Variants in MAPK10 observed in about 807,000 individuals in gnomAD.
MAPK10 encodes the protein mitogen-activated protein kinase 10, also known as JNK3 alpha protein kinase.
A neutral mutation model predicts 59.3 loss-of-function variants in MAPK10; 25 were observed. That is an observed-to-expected ratio of 0.42 (90% CI 0.31 to 0.59). MAPK10 has a LOEUF of 0.59. Among genes scored for constraint, MAPK10 ranks in the 20% least tolerant of loss-of-function variants. MAPK10 has a pLI of 0.15. For synonymous variants in MAPK10, 190 were observed against 200.5 expected, an observed-to-expected ratio of 0.95 and a Z score of 0.44; for missense variants, 351 against 568.9, an observed-to-expected ratio of 0.62 and a Z score of 3.90.
intron 7 of MAPK10, chr4:86,101,552 G>A (rs1373289870): frequency 5.3e-6 from 2 of 380,044 alleles, no homozygotes; most frequent in African/African-American, 4.0e-5. Flanking sequence ...AGGCCTGACA[G>A]AAGAACAGAT....
intron 1 of MAPK10, among the ~76,000 whole-genome samples, chr4:86,532,278 T>C (rs980369087): frequency 2.0e-5 from 3 of 152,162 alleles, no homozygotes; most frequent in East Asian, 1.9e-4. Context: ...TATATTCTCC[T>C]AGGAGATGGA....
At chr4:86,103,695 T>A (rs76809939) in intron 5 of MAPK10, among the ~76,000 whole-genome samples, 5,553 of 151,738 alleles carry the variant, frequency 0.037, 257 homozygotes, top group African/African-American at 0.11. Context: ...TACTTTATAT[T>A]TTTTTTTACT....
Position 86,016,812 on chromosome 4 carries a change from A to G in MAPK10, c.*416T>C, listed in dbSNP as rs1488816157. ...GTATCTACATCCATCTGACTAGGCC[A>G]AGGAGCAGGTAGATGCAAGATAGAG... On this transcript the variant is annotated 3_prime_UTR_variant, in exon 14 of 14. Transcript: ENST00000641462. The G allele has an allele frequency of 1.1e-5, 2 of 184,966 alleles. No homozygotes were observed. Among genetic ancestry groups the G allele is most frequent in the African/African-American group, 4.7e-5 (2 of 42,216 alleles). 11.5% of individuals were successfully genotyped at this position (184,966 alleles called of 1,614,324 possible).
intron 9 of MAPK10, among the ~76,000 whole-genome samples, chr4:86,072,420 C>T (rs1192235657): frequency 6.9e-6 from 1 of 144,508 alleles, no homozygotes; most frequent in African/African-American, 2.7e-5. Flanking sequence ...CCAGAACTTC[C>T]AACACTATGT....
chr4:86,452,371 T>A (rs1401451754), intron 1 of MAPK10, among the ~76,000 whole-genome samples: 1 of 152,168 alleles, frequency 6.6e-6, no homozygotes, highest in Non-Finnish European at 1.5e-5. Context: ...TCACTTTCAC[T>A]CTAAGCATGC....
At chr4:86,073,367 G>A (rs1051503099) in intron 9 of MAPK10, among the ~76,000 whole-genome samples, 1 of 151,698 alleles carries the variant, frequency 6.6e-6, no homozygotes, top group Non-Finnish European at 1.5e-5. Flanking sequence ...CTGATCTTTT[G>A]AAGGGTTTTT....
intron 2 of MAPK10, among the ~76,000 whole-genome samples, chr4:86,254,873 GT>G (rs2093634767): frequency 6.6e-6 from 1 of 151,976 alleles, no homozygotes; most frequent in Non-Finnish European, 1.5e-5. Flanking sequence ...AAAAATTGGG[GT>G]TTTTGTAAGT....
intron 11 of MAPK10, among the ~76,000 whole-genome samples, chr4:86,050,714 G>A (rs2043347049): frequency 6.6e-6 from 1 of 152,064 alleles, no homozygotes; most frequent in Non-Finnish European, 1.5e-5. Context: ...AAGAATTCTG[G>A]CTAGGAATAA....
intron 9 of MAPK10, chr4:86,089,555 G>T: frequency 3.4e-6 from 1 of 294,392 alleles, no homozygotes; most frequent in South Asian, 1.1e-4. Context: ...GATTAATTTA[G>T]GTTTTGATTT....
intron 2 of MAPK10, among the ~76,000 whole-genome samples, chr4:86,272,201 G>C (rs773791417): frequency 3.9e-5 from 6 of 152,066 alleles, no homozygotes; most frequent in Non-Finnish European, 7.4e-5. Flanking sequence ...AGTAGCTTAG[G>C]AATATTTTTA....
At chr4:86,463,234 T>G (rs1432007091) in intron 1 of MAPK10, among the ~76,000 whole-genome samples, 1 of 152,206 alleles carries the variant, frequency 6.6e-6, no homozygotes, top group Non-Finnish European at 1.5e-5. Context: ...AAATTGGCCT[T>G]TAATAGTCAT....
chr4:86,341,457 A>G (rs1724862372), intron 2 of MAPK10, among the ~76,000 whole-genome samples: 1 of 152,202 alleles, frequency 6.6e-6, no homozygotes. Flanking sequence ...TCCAAAAAGG[A>G]AAATGGCAAG....
Position 86,105,646 on chromosome 4 carries a change from C to T in MAPK10, c.366+1577G>A, listed in dbSNP as rs182089992. On this transcript the variant is annotated intron_variant, in intron 5 of 13. Coordinates refer to ENST00000641462, the MANE Select transcript of MAPK10 (RefSeq NM_138982.4). Reference sequence around the variant, plus strand: ...TTATGCTCCATCCTCCTTGGTATAACAGAATATATTGCATTGATCATGTGG... The same window carrying T: ...TTATGCTCCATCCTCCTTGGTATAATAGAATATATTGCATTGATCATGTGG... 1.5e-3 allele frequency among the ~76,000 whole-genome samples: 227 copies of T among 152,218 alleles called. 1 individual carries two copies. Among genetic ancestry groups the T allele is most frequent in the Non-Finnish European group, 2.4e-3 (163 of 67,986 alleles).
chr4:86,581,899 T>TTTTATATA (rs1554284916), intron 1 of MAPK10, among the ~76,000 whole-genome samples: 1 of 91,578 alleles, frequency 1.1e-5, no homozygotes, highest in Non-Finnish European at 2.0e-5. Flanking sequence ...GCTATATATA[T>TTTTATATA]TATATATATA....
chr4:86,221,397 A>G (rs973220897), intron 2 of MAPK10, among the ~76,000 whole-genome samples: 3 of 152,208 alleles, frequency 2.0e-5, no homozygotes, highest in Admixed American at 2.0e-4. Flanking sequence ...GTAACCAAGC[A>G]TATTTATAGA....
At chr4:86,367,681 T>C (rs1190545090) in intron 1 of MAPK10, among the ~76,000 whole-genome samples, 4 of 152,106 alleles carry the variant, frequency 2.6e-5, no homozygotes, top group Non-Finnish European at 5.9e-5. Context: ...TTGTTTTTTT[T>C]GGTGAAACAT....
At chr4:86,160,710 A>C (rs1248597205) in intron 3 of MAPK10, among the ~76,000 whole-genome samples, 2 of 151,838 alleles carry the variant, frequency 1.3e-5, no homozygotes, top group African/African-American at 4.8e-5. Context: ...ATTAGTGAAA[A>C]ATCTGCCTAT....
At chr4:86,443,656 T>A (rs1296256473) in intron 1 of MAPK10, among the ~76,000 whole-genome samples, 1 of 151,846 alleles carries the variant, frequency 6.6e-6, no homozygotes, top group Admixed American at 6.6e-5. Context: ...TACCACCACA[T>A]CAGTAAAGGC....
intron 1 of MAPK10, among the ~76,000 whole-genome samples, chr4:86,359,280 C>G (rs1274089429): frequency 2.2e-5 from 3 of 137,222 alleles, no homozygotes; most frequent in African/African-American, 8.6e-5. Context: ...CTCTCTCTCT[C>G]TCTCTCTCTG....
Sources: allele counts gnomAD v4.1 joint callset (sites outside exome capture counted in the v4.1 genomes callset), GRCh38; gene constraint gnomAD v4.1.1; transcripts MANE v1.5; gene names NCBI Gene and HGNC (gene_info 2026-07-23, HGNC 2026-07-21).